Variants in SPCS2 observed in about 807,000 individuals in gnomAD.
SPCS2 encodes the protein signal peptidase complex subunit 2.
A neutral mutation model predicts 22.3 loss-of-function variants in SPCS2; 3 were observed. The observed-to-expected ratio is 0.13, with a 90% confidence interval of 0.06 to 0.35. The LOEUF (loss-of-function observed/expected upper bound fraction) is 0.35. Among genes scored for constraint, SPCS2 ranks in the 10% least tolerant of loss-of-function variants. SPCS2 has a pLI of 1.00. For missense variants in SPCS2, 169 were observed against 280.9 expected (o/e 0.60, Z 2.85); for synonymous variants, 67 against 97.2 (o/e 0.69, Z 1.83).
At chr11:74,953,691 TTAAAAA>T (rs2140213540) in intron 1 of SPCS2, among the ~76,000 whole-genome samples, 1 of 152,374 alleles carries the variant, frequency 6.6e-6, no homozygotes, top group Admixed American at 6.5e-5. Context: ...TTTCCTGATC[TTAAAAA>T]TAAGTATGCA....
chr11:74,971,064 T>A (rs896760443), intron 4 of SPCS2, among the ~76,000 whole-genome samples: 1 of 152,198 alleles, frequency 6.6e-6, no homozygotes, highest in Non-Finnish European at 1.5e-5. Context: ...GTCTACTTTC[T>A]CTGTTCTCTT....
rs61894842 is a variant in SPCS2, at chr11:74,954,911, A to G, written c.114+5512A>G. Among the ~76,000 whole-genome samples the G allele has an allele frequency of 8.6e-3, 1,309 of 152,344 alleles. 6 individuals are homozygous for G. Among genetic ancestry groups the G allele is most frequent in the Non-Finnish European group, 0.015 (1,025 of 68,030 alleles). Reference sequence around the variant, plus strand: ...AACCTAGTTTTTAAAAGGGCAAAAGATGTAAATAGACATTTCTCCATAGAA... The same window carrying G: ...AACCTAGTTTTTAAAAGGGCAAAAGGTGTAAATAGACATTTCTCCATAGAA... On this transcript the variant is annotated intron_variant, in intron 1 of 4. Transcript: ENST00000263672.
intron 4 of SPCS2, among the ~76,000 whole-genome samples, chr11:74,976,540 C>CTGTCTA (rs1948615016): frequency 1.3e-5 from 2 of 152,172 alleles, no homozygotes; most frequent in Non-Finnish European, 2.9e-5. Flanking sequence ...CGAGGAAAAC[C>CTGTCTA]TGTCTAGCAT....
intron 3 of SPCS2, among the ~76,000 whole-genome samples, chr11:74,968,614 C>G (rs1418285317): frequency 1.3e-5 from 2 of 151,194 alleles, no homozygotes; most frequent in East Asian, 3.9e-4. Context: ...ACCTCTGCTT[C>G]CTGGGTTCAA....
intron 1 of SPCS2, among the ~76,000 whole-genome samples, chr11:74,950,806 A>G (rs1948418080): frequency 6.6e-6 from 1 of 152,214 alleles, no homozygotes; most frequent in African/African-American, 2.4e-5. Flanking sequence ...TTGGCTCCCC[A>G]AAGTGCTGGG....
chr11:74,965,727 A>G, intron 2 of SPCS2, 36 bp from the exon 3 acceptor site: 4 of 1,555,974 alleles, frequency 2.6e-6, no homozygotes, highest in Non-Finnish European at 3.5e-6. Flanking sequence ...GGGAGGAAGT[A>G]TTCCTATTAG....
intron 4 of SPCS2, among the ~76,000 whole-genome samples, chr11:74,972,720 CTT>C (rs1027143391): frequency 6.3e-5 from 9 of 141,736 alleles, no homozygotes; most frequent in Non-Finnish European, 7.7e-5. Context: ...ATTCCCTTCT[CTT>C]TTTTTTTTTT....
chr11:74,953,051 C>G (rs1482832979), intron 1 of SPCS2, among the ~76,000 whole-genome samples: 3 of 152,140 alleles, frequency 2.0e-5, no homozygotes, highest in Non-Finnish European at 4.4e-5. Flanking sequence ...TCTGCCACCT[C>G]AGTCTTCAGA....
At chr11:74,972,893 TA>T (rs55958014) in intron 4 of SPCS2, among the ~76,000 whole-genome samples, 49,487 of 124,136 alleles carry the variant, frequency 0.4, 8,714 homozygotes, top group Non-Finnish European at 0.44. Flanking sequence ...TATATATATA[TA>T]TTTTTTTTTT....
chr11:74,952,116 A>G (rs1948450264), intron 1 of SPCS2, among the ~76,000 whole-genome samples: 1 of 152,178 alleles, frequency 6.6e-6, no homozygotes, highest in African/African-American at 2.4e-5. Context: ...AAAACTATTC[A>G]GATGGTTTGG....
chr11:74,963,144 A>C (rs1413217278), intron 1 of SPCS2, among the ~76,000 whole-genome samples: 1 of 152,212 alleles, frequency 6.6e-6, no homozygotes, highest in East Asian at 1.9e-4. Flanking sequence ...AGAGGGATTT[A>C]CTTGACAGTG....
At chr11:74,957,822 A>T (rs1240187790) in intron 1 of SPCS2, among the ~76,000 whole-genome samples, 1 of 152,234 alleles carries the variant, frequency 6.6e-6, no homozygotes, top group Non-Finnish European at 1.5e-5. Flanking sequence ...CAAAGGTAAG[A>T]AATTCATACT....
At chr11:74,971,737 T>A (rs953267445) in intron 4 of SPCS2, among the ~76,000 whole-genome samples, 2 of 151,872 alleles carry the variant, frequency 1.3e-5, no homozygotes, top group African/African-American at 2.4e-5. Context: ...TGTGACTCTC[T>A]CGCAAAAAGT....
At chr11:74,976,499 C>T (rs925101060) in intron 4 of SPCS2, among the ~76,000 whole-genome samples, 1 of 152,200 alleles carries the variant, frequency 6.6e-6, no homozygotes, top group Non-Finnish European at 1.5e-5. Context: ...CAAATAAGAA[C>T]TTCTCAGGTG....
At chr11:74,976,342 A>G (rs954675023) in intron 4 of SPCS2, among the ~76,000 whole-genome samples, 1 of 152,224 alleles carries the variant, frequency 6.6e-6, no homozygotes, top group Non-Finnish European at 1.5e-5. Context: ...TTGATACCAT[A>G]AGAGCCTATT....
At chr11:74,954,201 T>G (rs1217443497) in intron 1 of SPCS2, among the ~76,000 whole-genome samples, 1 of 152,238 alleles carries the variant, frequency 6.6e-6, no homozygotes, top group South Asian at 2.1e-4. Context: ...TAATAGTGGT[T>G]TCTTTAAAAT....
Position 74,966,105 on chromosome 11 carries a change from A to G in SPCS2, c.359+182A>G, listed in dbSNP as rs150514192. Among the ~76,000 whole-genome samples, 204 of 152,302 alleles carry G rather than the reference A, an allele frequency of 1.3e-3. 1 individual carries two copies. The highest frequency in any genetic ancestry group is 4.7e-3 in the African/African-American group (197 of 41,572). On this transcript the variant is annotated intron_variant, in intron 3 of 4. Transcript: ENST00000263672. ...TCAGTTTATATAGTAACTGTCACTGATATTTTATGTTTTGTATGGTTATTT... is the reference window on the plus strand; with the variant it reads ...TCAGTTTATATAGTAACTGTCACTGGTATTTTATGTTTTGTATGGTTATTT...
chr11:74,955,325 C>G (rs997724824), intron 1 of SPCS2, among the ~76,000 whole-genome samples: 2 of 152,190 alleles, frequency 1.3e-5, no homozygotes, highest in Non-Finnish European at 2.9e-5. Flanking sequence ...TAGAAACAGT[C>G]TGTCAGCTGA....
rs1948298311 is a variant in SPCS2 at position 74,949,468 on chromosome 11, AT to A, written c.114+70del. 3.0e-6 allele frequency: 4 copies of A among 1,332,562 alleles called. No homozygotes were observed. In the Admixed American group the frequency reaches 5.9e-5, roughly 20 times the overall value. The allele number at this position is 1,332,562 out of a possible 1,614,324, so 82.5% of individuals were successfully genotyped here. Reference sequence around the variant, plus strand: ...TGGGAGGCGGCGAGCCAACCTTCCCATCCCGGTCTCCCTTATTTTCTACGGC... The same window carrying A: ...TGGGAGGCGGCGAGCCAACCTTCCCACCCGGTCTCCCTTATTTTCTACGGC... On this transcript the variant is annotated intron_variant, in intron 1 of 4. Transcript: ENST00000263672.
Sources: allele counts gnomAD v4.1 joint callset (sites outside exome capture counted in the v4.1 genomes callset), GRCh38; gene constraint gnomAD v4.1.1; transcripts MANE v1.5; gene names NCBI Gene and HGNC (gene_info 2026-07-23, HGNC 2026-07-21).